Variants in MDN1 observed in about 807,000 individuals in gnomAD.
The protein encoded by MDN1 is midasin AAA ATPase 1.
In MDN1, 266 loss-of-function variants were observed where a neutral mutation model predicts 669.2. That is an observed-to-expected ratio of 0.40 (90% CI 0.36 to 0.44). MDN1 has a LOEUF of 0.44. Among genes scored for constraint, MDN1 ranks in the 20% least tolerant of loss-of-function variants. MDN1 has a pLI of 1.00. For synonymous variants in MDN1, 2,385 were observed against 2,457.1 expected (o/e 0.97, Z 0.87); for missense variants, 5,940 against 6,754.0 (o/e 0.88, Z 4.22).
At chr6:89,742,133 A>C (rs9342206) in intron 31 of MDN1, among the ~76,000 whole-genome samples, 127,634 of 151,828 alleles carry the variant, frequency 0.84, 53,831 homozygotes, top group East Asian at 1. Context: ...AGCCTCCAGG[A>C]CGGGTGCAGT....
intron 41 of MDN1, 28 bp downstream of exon 41, chr6:89,719,108 G>A: frequency 6.2e-7 from 1 of 1,611,824 alleles, no homozygotes; most frequent in South Asian, 1.1e-5. Context: ...AAATGTCAAA[G>A]GATAGAGGAT....
chr6:89,705,263 G>GT (rs539167817), intron 53 of MDN1, among the ~76,000 whole-genome samples: 32 of 151,922 alleles, frequency 2.1e-4, no homozygotes, highest in African/African-American at 5.6e-4. Context: ...AAATTTATGG[G>GT]TTTTTTTTAT....
chr6:89,674,323 T>G lies in MDN1; in HGVS notation c.13028A>C (p.Gln4343Pro). ...CLEGPELSKG[Q>P]LCGVVLDLIP... is the part of the protein sequence containing the mutation. ...TAGGTCCAGCACTACTCCACAAAGT[T>G]GTCCCTTGCTAAGTTCTGGTCCTTC... Residue 4343 changes from glutamine (Q) to proline (P), a missense_variant, in exon 79 of 102, where the codon CAA becomes CCA. Coordinates refer to ENST00000369393, the MANE Select transcript of MDN1 (RefSeq NM_014611.3). The G allele has an allele frequency of 6.2e-7, 1 of 1,614,228 alleles. No individual in the cohort carries two copies.
At chr6:89,690,205 AAAGG>A in intron 64 of MDN1, 62 bp from the exon 65 acceptor site, 2 of 1,510,710 alleles carry the variant, frequency 1.3e-6, no homozygotes, top group Non-Finnish European at 9.0e-7. Context: ...AATCAGACTA[AAAGG>A]AAGAAAGAAA....
intron 95 of MDN1, among the ~76,000 whole-genome samples, chr6:89,651,338 A>G (rs1364929233): frequency 1.4e-5 from 2 of 148,068 alleles, no homozygotes; most frequent in Non-Finnish European, 3.0e-5. Flanking sequence ...AAAAAAAAAA[A>G]AAAAAAGAAA....
At chr6:89,804,484 G>A (rs1486355132) in intron 1 of MDN1, among the ~76,000 whole-genome samples, 2 of 152,010 alleles carry the variant, frequency 1.3e-5, no homozygotes, top group African/African-American at 2.4e-5. Context: ...TATGTGCTGG[G>A]GTTTCAACAA....
intron 5 of MDN1, among the ~76,000 whole-genome samples, chr6:89,791,954 G>C (rs888992726): frequency 3.7e-4 from 49 of 132,878 alleles, no homozygotes; most frequent in Admixed American, 5.4e-4. Flanking sequence ...TGAAAGCTCC[G>C]CCTCCCGGGT....
intron 22 of MDN1, among the ~76,000 whole-genome samples, chr6:89,753,195 T>C (rs1309514473): frequency 6.6e-6 from 1 of 152,058 alleles, no homozygotes. Context: ...ATTAAACGCA[T>C]ATTACAATTT....
chr6:89,650,553 A>G (rs545801740), intron 96 of MDN1, among the ~76,000 whole-genome samples, 179 bp downstream of exon 96: 1 of 152,356 alleles, frequency 6.6e-6, no homozygotes, highest in South Asian at 2.1e-4. Flanking sequence ...ACACCCAGAA[A>G]CTTTTGTGCA....
In MDN1 at chr6:89,754,168, G is replaced by A. The variant is rs765790060; in HGVS notation, c.2879C>T (p.Pro960Leu). 6.8e-6 allele frequency: 11 copies of A among 1,614,030 alleles called. No individual in the cohort carries two copies. The highest frequency in any genetic ancestry group is 1.3e-5 in the African/African-American group (1 of 74,932). ...TKLVDGTGHR[P>L]HYSLRTLCRA... ...GCACAGAGTCCGAAGGCTGTAGTGA[G>A]GTCTATGGCCAGTGCCATCCACCAG... Residue 960 changes from proline (P) to leucine (L), a missense_variant, in exon 21 of 102, where the codon CCT becomes CTT. This residue lies in a region of MDN1 where 1,203 missense variants were observed against 1,268.9 expected (regional missense o/e 0.95). Transcript: ENST00000369393.
In MDN1 at chr6:89,762,236, G is replaced by A. The variant is rs114338448; in HGVS notation, c.2356+83C>T. ...GTCCTAGAAAGCTCCAATTTGTATC[G>A]CTTTACTCTTCCCCAAAACTAATAT... is the stretch of plus-strand genomic sequence containing the variant. On this transcript the variant is annotated intron_variant, in intron 16 of 101. Coordinates refer to ENST00000369393, the MANE Select transcript of MDN1 (RefSeq NM_014611.3). 1.0e-4 allele frequency: 121 copies of A among 1,165,470 alleles called. No homozygotes were observed. The African/African-American group carries it at 1.6e-3, about 16-fold the overall frequency. The allele number at this position is 1,165,470 out of a possible 1,614,324, so 72.2% of individuals were successfully genotyped here.
At chr6:89,815,449 T>C in intron 1 of MDN1, 1 of 332,164 alleles carries the variant, frequency 3.0e-6, no homozygotes. Context: ...CCAGAATGTC[T>C]GTGCTTCCCC....
chr6:89,647,977 A>T, intron 99 of MDN1, 55 bp downstream of exon 99: 1 of 1,351,250 alleles, frequency 7.4e-7, no homozygotes, highest in Admixed American at 1.7e-5. Context: ...TCTCCCTCCA[A>T]CCTACACCAG....
At chr6:89,698,814 G>T (rs984112920) in intron 59 of MDN1, 51 bp downstream of exon 59, 1 of 1,577,266 alleles carries the variant, frequency 6.3e-7, no homozygotes, top group Non-Finnish European at 8.7e-7. Context: ...GATCCATTCA[G>T]AAACTCTTTT....
chr6:89,719,100 A>T (rs758046454), intron 41 of MDN1, 36 bp downstream of exon 41: 2 of 1,611,956 alleles, frequency 1.2e-6, no homozygotes, highest in Non-Finnish European at 1.7e-6. Flanking sequence ...CCATTAAAAA[A>T]TGTCAAAGGA....
At position 89,773,569 on chromosome 6, in the gene MDN1, G is replaced by GAAATACACA. The variant is rs1440870826; in HGVS notation, c.1935-857_1935-849dup. ...AAAAAAAAAAAAGAAGAGAAGAAAA[G>GAAATACACA]AAATACACACACAAGGAAGAAGGGC... On this transcript the variant is annotated intron_variant, in intron 13 of 101. Coordinates refer to ENST00000369393, the MANE Select transcript of MDN1 (RefSeq NM_014611.3). Among the ~76,000 whole-genome samples, 3 of 150,144 alleles carry GAAATACACA rather than the reference G, an allele frequency of 2.0e-5. No homozygotes were observed. In the East Asian group the frequency reaches 5.9e-4, roughly 29 times the overall value.
chr6:89,768,736 C>A (rs1348180833), intron 15 of MDN1, among the ~76,000 whole-genome samples: 1 of 151,676 alleles, frequency 6.6e-6, no homozygotes, highest in Non-Finnish European at 1.5e-5. Context: ...GACCCTGTCC[C>A]CCCCCAAAAA....
chr6:89,796,324 CAA>C (rs35169575), intron 2 of MDN1, among the ~76,000 whole-genome samples: 185 of 45,256 alleles, frequency 4.1e-3, no homozygotes, highest in Non-Finnish European at 5.2e-3. Context: ...AACTCTGTCT[CAA>C]AAAAAAAAAA....
At chr6:89,766,719 A>C (rs993043789) in intron 15 of MDN1, among the ~76,000 whole-genome samples, 1 of 152,224 alleles carries the variant, frequency 6.6e-6, no homozygotes, top group Admixed American at 6.5e-5. Context: ...GTGTAAAAAG[A>C]ATATAAAATG....
Sources: allele counts gnomAD v4.1 joint callset (sites outside exome capture counted in the v4.1 genomes callset), GRCh38; gene constraint gnomAD v4.1.1; regional missense constraint gnomAD v4.1.1; transcripts MANE v1.5; gene names NCBI Gene and HGNC (gene_info 2026-07-23, HGNC 2026-07-21).